ADCY3: variants seen among roughly 807,000 people sequenced by gnomAD.
ADCY3 encodes the protein adenylate cyclase 3.
ADCY3 carries 70 observed loss-of-function variants against 119.4 expected under a neutral mutation model. That is an observed-to-expected ratio of 0.59 (90% CI 0.48 to 0.72). The LOEUF (loss-of-function observed/expected upper bound fraction) is 0.72, where lower values mean the gene tolerates loss of function less well. Among genes scored for constraint, ADCY3 ranks in the 30% least tolerant of loss-of-function variants. ADCY3 has a pLI of 0.00. For missense variants in ADCY3, 1,238 were observed against 1,541.6 expected (o/e 0.80, Z 3.30); for synonymous variants, 672 against 621.4 (o/e 1.08, Z -1.21).
chr2:24,888,206 A>C (rs1677288803), intron 2 of ADCY3, among the ~76,000 whole-genome samples: 2 of 152,216 alleles, frequency 1.3e-5, no homozygotes, highest in Non-Finnish European at 2.9e-5. Flanking sequence ...GTAAGTTCCC[A>C]TCCCCTGGTC....
intron 2 of ADCY3, among the ~76,000 whole-genome samples, chr2:24,903,995 C>G (rs2149008676): frequency 6.6e-6 from 1 of 152,360 alleles, no homozygotes; most frequent in African/African-American, 2.4e-5. Context: ...TCCTCCACTA[C>G]AGCCATGCCA....
intron 11 of ADCY3, among the ~76,000 whole-genome samples, chr2:24,833,994 G>T (rs1046954222): frequency 7.9e-5 from 12 of 152,228 alleles, no homozygotes; most frequent in Non-Finnish European, 1.6e-4. Flanking sequence ...CTCAGACAGG[G>T]CTTCACCAGC....
intron 3 of ADCY3, among the ~76,000 whole-genome samples, chr2:24,866,564 C>CAAAAA (rs71397449): frequency 3.4e-4 from 16 of 46,524 alleles, no homozygotes; most frequent in Admixed American, 6.5e-4. Flanking sequence ...GACCCTGTCT[C>CAAAAA]AAAAAAAAAA....
In ADCY3 at chr2:24,919,539, C is replaced by T. The variant is rs192382418; in HGVS notation, c.-198+144G>A. The stretch of plus-strand genomic sequence containing the variant: ...AAATGTGCCGGAAAGAAATCAGGAC[C>T]ATCGTGGGGGATTCCTGAGCCTTCC... On this transcript the variant is annotated intron_variant, in intron 1 of 21. Coordinates refer to ENST00000679454, the MANE Select transcript of ADCY3 (RefSeq NM_004036.5). This position sits in a 1 kb window ranked among gnomAD's most constrained non-coding sequence, Gnocchi z 5.5. 11 of 153,744 alleles carry T rather than the reference C, an allele frequency of 7.2e-5. No homozygotes were observed. The highest frequency in any genetic ancestry group is 2.4e-4 in the African/African-American group (10 of 41,592). The allele number at this position is 153,744 out of a possible 1,614,324, so 9.5% of individuals were successfully genotyped here. A position where few individuals can be genotyped will look rare whatever the true frequency, so the allele number is the denominator to read the frequency against.
At chr2:24,824,563 G>A (rs1199006670) in intron 16 of ADCY3, 27 bp from the exon 17 acceptor site, 1 of 1,612,622 alleles carries the variant, frequency 6.2e-7, no homozygotes, top group Non-Finnish European at 8.5e-7. Flanking sequence ...GGCGAGGCAT[G>A]TGCTCTAAGC....
At chr2:24,879,548 C>T (rs1343985659) in intron 2 of ADCY3, among the ~76,000 whole-genome samples, 1 of 151,558 alleles carries the variant, frequency 6.6e-6, no homozygotes, top group Non-Finnish European at 1.5e-5. Flanking sequence ...TTCTTTGCTT[C>T]CATTGAAGGC....
chr2:24,870,140 C>T (rs1282785583), intron 3 of ADCY3, among the ~76,000 whole-genome samples: 1 of 147,494 alleles, frequency 6.8e-6, no homozygotes, highest in Admixed American at 6.8e-5. Flanking sequence ...GGTGAAACCC[C>T]GTCTCCACTA....
rs1664912567 is a variant in ADCY3 at position 24,920,006 on chromosome 2, G to C, written c.-521C>G. Among the ~76,000 whole-genome samples, 1 of 147,604 alleles carries C rather than the reference G, an allele frequency of 6.8e-6. No homozygotes were observed. Among genetic ancestry groups the C allele is most frequent in the South Asian group, 2.1e-4 (1 of 4,828 alleles). On this transcript the variant is annotated 5_prime_UTR_variant, in exon 1 of 22. Transcript: ENST00000679454. This position sits in a 1 kb window ranked among gnomAD's most constrained non-coding sequence, Gnocchi z 4.5. ...GCAGGGGCCGTGCGGGGGCCGGCAG[G>C]CGCGGGCGGCGGCGAGCGCGGCTCT...
chr2:24,830,618 A>G (rs1372439840), intron 13 of ADCY3, 91 bp downstream of exon 13: 1 of 929,564 alleles, frequency 1.1e-6, no homozygotes, highest in African/African-American at 1.7e-5. Context: ...CGGTGGAGGG[A>G]TGGACTGAGA....
intron 3 of ADCY3, among the ~76,000 whole-genome samples, chr2:24,871,033 G>A: frequency 6.6e-6 from 1 of 152,232 alleles, no homozygotes; most frequent in Middle Eastern, 3.4e-3. Flanking sequence ...GTCCTAGATT[G>A]TACAATATGA....
intron 2 of ADCY3, among the ~76,000 whole-genome samples, chr2:24,881,776 A>T (rs1213761042): frequency 6.6e-6 from 1 of 151,704 alleles, no homozygotes; most frequent in Non-Finnish European, 1.5e-5. Context: ...GTTCTCAACC[A>T]CAGGTGATCA....
intron 2 of ADCY3, among the ~76,000 whole-genome samples, chr2:24,912,940 C>A (rs971439092): frequency 6.6e-6 from 1 of 152,304 alleles, no homozygotes; most frequent in South Asian, 2.1e-4. Context: ...TGTTCAATGA[C>A]TGATTATTCC....
At chr2:24,861,701 C>T (rs1020351740) in intron 3 of ADCY3, among the ~76,000 whole-genome samples, 41 of 152,330 alleles carry the variant, frequency 2.7e-4, no homozygotes, top group African/African-American at 7.0e-4. Context: ...CCAGAGCCCA[C>T]GCCACTCCCA....
rs1275524790 is a variant in ADCY3, at chr2:24,864,579, A to T, written c.825+7991T>A. Among the ~76,000 whole-genome samples, 4 of 152,220 alleles carry T rather than the reference A, an allele frequency of 2.6e-5. No individual in the cohort carries two copies. The East Asian group carries it at 5.8e-4, about 22-fold the overall frequency. Reference sequence around the variant, plus strand: ...CTGATCTGCCCGACGACACAGAAGAACCTTGAAGACATCATGCTAAGTGAA... The same window carrying T: ...CTGATCTGCCCGACGACACAGAAGATCCTTGAAGACATCATGCTAAGTGAA... On this transcript the variant is annotated intron_variant, in intron 3 of 21. Transcript: ENST00000679454.
At position 24,898,600 on chromosome 2, in the gene ADCY3, G is replaced by A. The variant is rs541069251; in HGVS notation, c.675+19713C>T. Among the ~76,000 whole-genome samples, 5 of 152,226 alleles carry A rather than the reference G, an allele frequency of 3.3e-5. No individual in the cohort carries two copies. In the South Asian group the frequency reaches 1.0e-3, roughly 32 times the overall value. Reference sequence around the variant, plus strand: ...ACTCTCAAATCAGCCTCTCAATGGAGCCCTGCAGCACTGGAAAGGAGCCCT... The same window carrying A: ...ACTCTCAAATCAGCCTCTCAATGGAACCCTGCAGCACTGGAAAGGAGCCCT... On this transcript the variant is annotated intron_variant, in intron 2 of 21. Coordinates refer to ENST00000679454, the MANE Select transcript of ADCY3 (RefSeq NM_004036.5). This position sits in a 1 kb window ranked among gnomAD's most constrained non-coding sequence, Gnocchi z 4.3.
At chr2:24,866,533 C>A (rs2148769826) in intron 3 of ADCY3, among the ~76,000 whole-genome samples, 1 of 133,808 alleles carries the variant, frequency 7.5e-6, no homozygotes, top group African/African-American at 2.9e-5. Flanking sequence ...CCACTGCACT[C>A]CAGCCTGAGT....
rs1439569672 is a variant in ADCY3 at position 24,878,568 on chromosome 2, C to A, written c.676-5849G>T. ...ATGACGTTCTGCGGCTGGAGGCCAG[C>A]CGCACGGGAAACTCGTCATTAAAAC... On this transcript the variant is annotated intron_variant, in intron 2 of 21. Coordinates refer to ENST00000679454, the MANE Select transcript of ADCY3 (RefSeq NM_004036.5). This position sits in a 1 kb window ranked among gnomAD's most constrained non-coding sequence, Gnocchi z 4.0. 6.6e-6 allele frequency among the ~76,000 whole-genome samples: 1 copy of A among 152,060 alleles called. No homozygotes were observed. Among genetic ancestry groups the A allele is most frequent in the Admixed American group, 6.5e-5 (1 of 15,268 alleles).
chr2:24,852,999 C>A (rs1672522457), intron 3 of ADCY3, among the ~76,000 whole-genome samples: 1 of 134,456 alleles, frequency 7.4e-6, no homozygotes, highest in Non-Finnish European at 1.6e-5. Context: ...AAAGGAACAG[C>A]TGGAGGGTGT....
At position 24,901,566 on chromosome 2, in the gene ADCY3, T is replaced by C. The variant is rs189231289; in HGVS notation, c.675+16747A>G. Among the ~76,000 whole-genome samples the C allele has an allele frequency of 3.3e-4, 50 of 152,280 alleles. No homozygotes were observed. In the East Asian group the frequency reaches 8.1e-3, roughly 25 times the overall value. On this transcript the variant is annotated intron_variant, in intron 2 of 21. Transcript: ENST00000679454. The stretch of plus-strand genomic sequence containing the variant: ...CAGTAATAAAAATGTAGGGGGATTC[T>C]GTACCCAGGTTCCTTCCAAGTGACT...
Sources: gnomAD v4.1 joint callset for allele counts (sites outside exome capture counted in the v4.1 genomes callset) on GRCh38, gnomAD v4.1.1 for gene constraint, Gnocchi (gnomAD v3.1) non-coding constraint, MANE v1.5 for transcripts, NCBI Gene and HGNC (gene_info 2026-07-23, HGNC 2026-07-21) for gene names.